Variants in DET1 observed in about 807,000 individuals in gnomAD.
DET1 encodes the protein DET1 partner of COP1 E3 ubiquitin ligase.
In DET1, 22 loss-of-function variants were observed where a neutral mutation model predicts 43.7. The observed-to-expected ratio is 0.50, with a 90% CI of 0.36 to 0.72. The LOEUF (loss-of-function observed/expected upper bound fraction) is 0.72. DET1 is among the 30% of genes least tolerant of loss of function. The pLI is 0.00. For missense variants in DET1, 713 were observed against 713.3 expected, an observed-to-expected ratio of 1.00 and a Z score of 0.00; for synonymous variants, 315 against 266.2, an observed-to-expected ratio of 1.18 and a Z score of -1.79.
At chr15:88,510,406 G>C (rs2056184947), downstream of DET1, among the ~76,000 whole-genome samples, 2 of 152,156 alleles carry the variant, frequency 1.3e-5, no homozygotes, top group South Asian at 4.1e-4. Flanking sequence ...ACTCTGCCAG[G>C]TCCTCAGGTT....
intron 7 of DET1, chr15:88,505,117 G>A (rs1361099872): frequency 6.6e-6 from 1 of 152,108 alleles, no homozygotes; most frequent in African/African-American, 2.4e-5. Context: ...CATGTCCCTG[G>A]AAATTAATCA....
At chr15:88,544,326 A>G (rs1453566066) in intron 1 of DET1, among the ~76,000 whole-genome samples, 1 of 152,218 alleles carries the variant, frequency 6.6e-6, no homozygotes, top group East Asian at 1.9e-4. Flanking sequence ...CTTTAGCCCT[A>G]CTTAGAGTAA....
intron 3 of DET1, among the ~76,000 whole-genome samples, chr15:88,524,346 G>A (rs1195149395): frequency 2.0e-5 from 3 of 151,430 alleles, no homozygotes; most frequent in Non-Finnish European, 4.4e-5. Context: ...GAGGTGGGGG[G>A]CAGCCCCTGC....
chr15:88,507,921 C>T (rs1049702164), downstream of DET1, among the ~76,000 whole-genome samples: 3 of 152,164 alleles, frequency 2.0e-5, no homozygotes, highest in Non-Finnish European at 4.4e-5. Flanking sequence ...GGCAAGTGAG[C>T]GAAGCTTCAT....
rs2056812946 is a variant in DET1, at chr15:88,531,457, T to C, written c.249A>G (p.Glu83=). 1.9e-6 allele frequency: 3 copies of C among 1,614,012 alleles called. No homozygotes were observed. The highest frequency in any genetic ancestry group is 2.5e-6 in the Non-Finnish European group (3 of 1,179,896). The part of the protein sequence containing the change: ...IAFSSDQTSL[E]IYEYQGCQAA... Reference sequence around the variant, plus strand: ...CCTGGCAGCCCTGGTACTCATAGATTTCAAGAGATGTCTGGTCTGAAGAAA... The same window carrying C: ...CCTGGCAGCCCTGGTACTCATAGATCTCAAGAGATGTCTGGTCTGAAGAAA... The change falls in exon 2 of 5, where the codon GAA becomes GAG. Residue 83 remains glutamate, a synonymous_variant. Transcript: ENST00000268148. The surrounding 1 kb of genome is among the most constrained non-coding windows in gnomAD (Gnocchi z 6.2).
intron 7 of DET1, chr15:88,505,366 G>T (rs1420161153): frequency 6.6e-6 from 1 of 152,006 alleles, no homozygotes; most frequent in Non-Finnish European, 1.5e-5. Context: ...TTCTTTCTTA[G>T]TTCCAAAAAA....
chr15:88,505,363 T>C (rs1337711274), intron 7 of DET1: 1 of 152,236 alleles, frequency 6.6e-6, no homozygotes, highest in Non-Finnish European at 1.5e-5. Context: ...TCTTTCTTTC[T>C]TAGTTCCAAA....
chr15:88,516,823 A>G lies in DET1; in HGVS notation c.1422T>C (p.Ser474=). ...CACAAGTCTTGGGCCGCTCCATGAC[A>G]GATACCCACTTGTCATCATAACTGA... ...SLFSYDDKWV[S]VMERPKTCGD... is the part of the protein sequence containing the mutation. Residue 474 remains serine, a synonymous_variant, in exon 4 of 5, where the codon TCT becomes TCC. Coordinates refer to ENST00000268148, the MANE Select transcript of DET1 (RefSeq NM_001144074.3). The surrounding 1 kb of genome is among the most constrained non-coding windows in gnomAD (Gnocchi z 4.4). The G allele has an allele frequency of 6.2e-7, 1 of 1,608,782 alleles. No individual in the cohort carries two copies. Among genetic ancestry groups the G allele is most frequent in the Non-Finnish European group, 8.5e-7 (1 of 1,177,974 alleles).
At chr15:88,517,398 G>A (rs1041207178) in intron 3 of DET1, among the ~76,000 whole-genome samples, 1 of 151,308 alleles carries the variant, frequency 6.6e-6, no homozygotes, top group Non-Finnish European at 1.5e-5. Context: ...GCTAATTTTT[G>A]TATTTTTTAT....
At chr15:88,534,189 T>C (rs921846344) in intron 1 of DET1, among the ~76,000 whole-genome samples, 3 of 152,228 alleles carry the variant, frequency 2.0e-5, no homozygotes, top group Admixed American at 2.0e-4. Context: ...ATTGTTTTAT[T>C]ATACCTTGAT....
intron 1 of DET1, among the ~76,000 whole-genome samples, chr15:88,538,656 G>A (rs749475652): frequency 2.0e-5 from 3 of 152,188 alleles, no homozygotes; most frequent in Non-Finnish European, 4.4e-5. Flanking sequence ...GGAGGCCCCA[G>A]CGAGAAATTA....
At position 88,531,543 on chromosome 15, in the gene DET1, C is replaced by A. The variant is rs371253594; in HGVS notation, c.163G>T (p.Val55Phe). The A allele has an allele frequency of 1.2e-6, 2 of 1,614,006 alleles. No homozygotes were observed. The highest frequency in any genetic ancestry group is 1.7e-5 in the Admixed American group (1 of 60,016). Reference protein sequence around the residue: ...NVFPNFTVVNVEKPPCFLRKF... With the variant: ...NVFPNFTVVNFEKPPCFLRKF... ...CGCAAGAAACAAGGAGGCTTTTCAA[C>A]GTTGACAACTGTGAAGTTGGGGAAG... Residue 55 changes from valine (V) to phenylalanine (F), a missense_variant, in exon 2 of 5, where the codon GTT (valine) becomes TTT (phenylalanine). Physicochemically the swap from Val to Phe is conservative, Grantham distance 50. Transcript: ENST00000268148. The surrounding 1 kb of genome is among the most constrained non-coding windows in gnomAD (Gnocchi z 6.2).
At chr15:88,525,821 T>C (rs1379179121) in intron 3 of DET1, among the ~76,000 whole-genome samples, 1 of 138,930 alleles carries the variant, frequency 7.2e-6, no homozygotes, top group African/African-American at 2.8e-5. Flanking sequence ...ACCACCACAC[T>C]CGGCTATTTT....
downstream of DET1, among the ~76,000 whole-genome samples, chr15:88,510,930 C>T (rs756070818): frequency 1.3e-5 from 2 of 151,852 alleles, no homozygotes; most frequent in African/African-American, 2.4e-5. Context: ...CCCGCCACCA[C>T]GTCCCGCTAA....
chr15:88,509,629 G>A (rs906134285), downstream of DET1, among the ~76,000 whole-genome samples: 2 of 152,222 alleles, frequency 1.3e-5, no homozygotes, highest in South Asian at 4.1e-4. Flanking sequence ...AACGAAAGAC[G>A]AGAGGATCTG....
downstream of DET1, chr15:88,511,711 G>A: frequency 1.8e-6 from 1 of 565,068 alleles, no homozygotes; most frequent in Non-Finnish European, 2.2e-6. Flanking sequence ...ATCCTGCACT[G>A]AATGCTGAAG....
intron 8 of DET1, chr15:88,502,698 C>T (rs4393547): frequency 0.096 from 14,684 of 152,242 alleles, 1,317 homozygotes; most frequent in East Asian, 0.51. Context: ...TGAGCTTCCA[C>T]AAAAAAGCCG....
chr15:88,541,232 A>G (rs931049458), intron 1 of DET1, among the ~76,000 whole-genome samples: 71 of 149,582 alleles, frequency 4.7e-4, no homozygotes, highest in African/African-American at 1.6e-3. Context: ...AATCCTTTAC[A>G]TTGTCTATGA....
Position 88,516,777 on chromosome 15 carries a change from T to G in DET1, c.1463+5A>C. 1 of 1,563,560 alleles carries G rather than the reference T, an allele frequency of 6.4e-7. No individual in the cohort carries two copies. Among genetic ancestry groups the G allele is most frequent in the Non-Finnish European group, 8.6e-7 (1 of 1,160,024 alleles). On this transcript the variant is annotated splice_donor_5th_base_variant and intron_variant, in intron 4 of 4. Transcript: ENST00000268148. The surrounding 1 kb of genome is among the most constrained non-coding windows in gnomAD (Gnocchi z 4.4). The stretch of plus-strand genomic sequence containing the variant: ...CAGTTTGTAGCTATAGCAGTGACAC[T>G]GTACCTGATTGGGTGATCTCCACAA...
Sources: allele counts gnomAD v4.1 joint callset (sites outside exome capture counted in the v4.1 genomes callset), GRCh38; gene constraint gnomAD v4.1.1; non-coding constraint Gnocchi (gnomAD v3.1); transcripts MANE v1.5; gene names NCBI Gene and HGNC (gene_info 2026-07-23, HGNC 2026-07-21).